The following TSEN2 variants were observed in gnomAD, a reference collection of about 807,000 sequenced individuals.
TSEN2 encodes tRNA-splicing endonuclease subunit Sen2.
Under a neutral mutation model 59.2 loss-of-function variants are expected in TSEN2, and 54 were observed. The observed-to-expected ratio is 0.91, with a 90% CI of 0.73 to 1.14. TSEN2 has a LOEUF of 1.14. Ranked by LOEUF, TSEN2 falls within the 50% of genes most tolerant of loss-of-function variation. The pLI is 0.00. For synonymous variants in TSEN2, 195 were observed against 198.2 expected (o/e 0.98, Z 0.14); for missense variants, 636 against 576.2 (o/e 1.10, Z -1.06).
intron 6 of TSEN2, among the ~76,000 whole-genome samples, chr3:12,511,714 A>C (rs1457171859): frequency 1.3e-5 from 2 of 151,972 alleles, no homozygotes; most frequent in African/African-American, 4.8e-5. Flanking sequence ...CCACAGGCAC[A>C]TGCCACCACG....
Position 12,489,073 on chromosome 3 carries a change from G to A in TSEN2, c.-17-711G>A, listed in dbSNP as rs139941603. 6.2e-3 allele frequency among the ~76,000 whole-genome samples: 937 copies of A among 152,024 alleles called. 4 individuals carry two copies. Among genetic ancestry groups the A allele is most frequent in the Non-Finnish European group, 0.01 (706 of 67,968 alleles). Reference sequence around the variant, plus strand: ...GAGTCGTTCTTATCTTGATTTTGCAGGTGAGGAAACTAAATCACAGAGAGA... The same window carrying A: ...GAGTCGTTCTTATCTTGATTTTGCAAGTGAGGAAACTAAATCACAGAGAGA... On this transcript the variant is annotated intron_variant, in intron 1 of 11. Transcript: ENST00000284995.
intron 4 of TSEN2, among the ~76,000 whole-genome samples, chr3:12,498,469 C>T (rs956348069): frequency 1.3e-5 from 2 of 152,174 alleles, no homozygotes; most frequent in African/African-American, 4.8e-5. Flanking sequence ...CTCCTCTAGT[C>T]TAACTGCCAG....
downstream of TSEN2, among the ~76,000 whole-genome samples, chr3:12,534,022 A>G (rs1345190904): frequency 6.6e-6 from 1 of 152,168 alleles, no homozygotes; most frequent in Non-Finnish European, 1.5e-5. Context: ...CATCACTACC[A>G]GTCATGCACG....
chr3:12,499,273 C>T (rs1169199219), intron 4 of TSEN2, among the ~76,000 whole-genome samples: 1 of 152,198 alleles, frequency 6.6e-6, no homozygotes, highest in East Asian at 1.9e-4. Flanking sequence ...CCCTGATGGT[C>T]GTGCTGGTTG....
intron 4 of TSEN2, among the ~76,000 whole-genome samples, chr3:12,498,936 A>G (rs2054018876): frequency 6.6e-6 from 1 of 152,102 alleles, no homozygotes; most frequent in African/African-American, 2.4e-5. Context: ...AGTTGTTCGT[A>G]TTTTTTGTAG....
chr3:12,489,152 G>A (rs1215349521), intron 1 of TSEN2, among the ~76,000 whole-genome samples: 1 of 150,930 alleles, frequency 6.6e-6, no homozygotes, highest in Non-Finnish European at 1.5e-5. Flanking sequence ...AGTTGATTCT[G>A]ATGCTGATAG....
chr3:12,495,879 G>C (rs148084668), intron 3 of TSEN2, among the ~76,000 whole-genome samples: 2 of 152,322 alleles, frequency 1.3e-5, no homozygotes, highest in East Asian at 3.9e-4. Flanking sequence ...CCTCCCACCT[G>C]ATGCCCTGCT....
rs969509022 is a variant in TSEN2 at position 12,533,355 on chromosome 3, C to G, written c.*634C>G. 6.5e-6 allele frequency: 1 copy of G among 154,208 alleles called. No individual in the cohort carries two copies. Among genetic ancestry groups the G allele is most frequent in the Non-Finnish European group, 1.4e-5 (1 of 69,494 alleles). 9.6% of individuals were successfully genotyped at this position (154,208 alleles called of 1,614,324 possible). A position where few individuals can be genotyped will look rare whatever the true frequency, so the allele number is the denominator to read the frequency against. On this transcript the variant is annotated 3_prime_UTR_variant, in exon 12 of 12. Transcript: ENST00000284995. ...TAAGTTGCCTCAGGGCATCTGGTGG[C>G]AAGAGGAGGGAGATGGGTGGCTGGG...
chr3:12,497,990 G>A (rs1373987668), intron 4 of TSEN2, among the ~76,000 whole-genome samples: 2 of 151,952 alleles, frequency 1.3e-5, no homozygotes, highest in African/African-American at 4.8e-5. Flanking sequence ...GCTTGCAGAT[G>A]CATCACTCTA....
chr3:12,499,078 A>T (rs1479213092), intron 4 of TSEN2, among the ~76,000 whole-genome samples: 2 of 152,066 alleles, frequency 1.3e-5, no homozygotes, highest in African/African-American at 4.8e-5. Flanking sequence ...TTCTTTTCTG[A>T]TGCCTCTGAA....
chr3:12,520,321 G>A (rs1368832054), intron 8 of TSEN2, among the ~76,000 whole-genome samples: 3 of 152,124 alleles, frequency 2.0e-5, no homozygotes, highest in Non-Finnish European at 4.4e-5. Context: ...TTCTGATAGG[G>A]AGACTACAGT....
intron 6 of TSEN2, among the ~76,000 whole-genome samples, chr3:12,508,905 G>C (rs1255945489): frequency 6.6e-6 from 1 of 152,084 alleles, no homozygotes; most frequent in Non-Finnish European, 1.5e-5. Flanking sequence ...CTGTTGCCCA[G>C]GCTGGAGTGC....
chr3:12,495,489 G>C (rs79460235), intron 3 of TSEN2, among the ~76,000 whole-genome samples: 3,746 of 152,278 alleles, frequency 0.025, 67 homozygotes, highest in South Asian at 0.059. Flanking sequence ...CTCAGCTTCT[G>C]AAAAGTGCTG....
At chr3:12,489,649 T>G in intron 1 of TSEN2, 135 bp from the exon 2 acceptor site, 1 of 721,130 alleles carries the variant, frequency 1.4e-6, no homozygotes, top group East Asian at 2.7e-5. Flanking sequence ...GCTTTTAGTT[T>G]ATTGCTTTAT....
intron 4 of TSEN2, among the ~76,000 whole-genome samples, chr3:12,500,839 G>A (rs578011408): frequency 8.5e-5 from 13 of 152,226 alleles, no homozygotes; most frequent in East Asian, 3.9e-4. Flanking sequence ...TGGAACCCAC[G>A]TCTGCTTTGA....
chr3:12,536,874 G>T (rs2057683614), downstream of TSEN2, among the ~76,000 whole-genome samples: 2 of 152,104 alleles, frequency 1.3e-5, no homozygotes, highest in South Asian at 2.1e-4. Context: ...GTGGTGGCAG[G>T]CACCTGTAAT....
intron 4 of TSEN2, among the ~76,000 whole-genome samples, chr3:12,500,330 G>T (rs1057321417): frequency 6.6e-6 from 1 of 152,150 alleles, no homozygotes; most frequent in African/African-American, 2.4e-5. Context: ...ATCTGACTTG[G>T]AGGCTTTCTT....
At chr3:12,510,962 A>T (rs867654115) in intron 6 of TSEN2, 1 of 152,238 alleles carries the variant, frequency 6.6e-6, no homozygotes, top group South Asian at 2.1e-4. Flanking sequence ...TTCTGCATAT[A>T]TACCCAGACA....
In TSEN2 at chr3:12,496,425, T is replaced by C. The variant is rs17036841; in HGVS notation, c.272-93T>C. The C allele has an allele frequency of 0.019, 25,917 of 1,367,176 alleles. 451 individuals carry two copies. Among genetic ancestry groups the C allele is most frequent in the South Asian group, 0.055 (4,753 of 85,922 alleles). 84.7% of individuals were successfully genotyped at this position (1,367,176 alleles called of 1,614,324 possible). On this transcript the variant is annotated intron_variant, in intron 3 of 11. Transcript: ENST00000284995. ...TAAACTTTCTAGGTGTGTGATTTTG[T>C]GAATCTTAAAATTCTCAGTCTTTCC...
Sources: gnomAD v4.1 joint callset for allele counts (sites outside exome capture counted in the v4.1 genomes callset) on GRCh38, gnomAD v4.1.1 for gene constraint, MANE v1.5 for transcripts, NCBI Gene and HGNC (gene_info 2026-07-23, HGNC 2026-07-21) for gene names.